Variants in DPP10 observed in about 807,000 individuals in gnomAD.
DPP10 encodes the protein dipeptidyl peptidase like 10.
A neutral mutation model predicts 120.9 loss-of-function variants in DPP10; 33 were observed. That is an observed-to-expected ratio of 0.27 (90% CI 0.21 to 0.37). The LOEUF is 0.37. Among genes scored for constraint, DPP10 ranks in the 10% least tolerant of loss-of-function variants. The pLI is 1.00. For missense variants in DPP10, 816 were observed against 942.8 expected (o/e 0.87, Z 1.76); for synonymous variants, 337 against 326.1 (o/e 1.03, Z -0.36).
chr2:115,007,136 T>C (rs1356877912), intron 1 of DPP10, among the ~76,000 whole-genome samples: 1 of 152,010 alleles, frequency 6.6e-6, no homozygotes, highest in African/African-American at 2.4e-5. Context: ...CATAACGAAA[T>C]GAAGGCATCC....
At chr2:115,431,939 G>A (rs2071028620) in intron 3 of DPP10, among the ~76,000 whole-genome samples, 1 of 152,028 alleles carries the variant, frequency 6.6e-6, no homozygotes, top group Non-Finnish European at 1.5e-5. Context: ...AATTACATCA[G>A]AATTATTGAT....
chr2:115,215,776 A>C (rs1322149713), intron 1 of DPP10, among the ~76,000 whole-genome samples: 1 of 152,186 alleles, frequency 6.6e-6, no homozygotes, highest in African/African-American at 2.4e-5. Flanking sequence ...CCCCCACAGA[A>C]CTAATATGAT....
chr2:115,249,458 T>A (rs1172896668), intron 1 of DPP10, among the ~76,000 whole-genome samples: 3 of 152,080 alleles, frequency 2.0e-5, no homozygotes, highest in African/African-American at 7.2e-5. Flanking sequence ...CATGGCCTCT[T>A]TTTATTGGGT....
At chr2:114,936,893 T>C (rs1016400800) in intron 1 of DPP10, among the ~76,000 whole-genome samples, 3 of 152,224 alleles carry the variant, frequency 2.0e-5, no homozygotes, top group African/African-American at 7.2e-5. Context: ...ATATCTTCTT[T>C]AAAGAATTGT....
At chr2:114,904,446 A>G (rs974589802) in intron 1 of DPP10, among the ~76,000 whole-genome samples, 1 of 152,222 alleles carries the variant, frequency 6.6e-6, no homozygotes, top group African/African-American at 2.4e-5. Context: ...GTGTCAAAAG[A>G]GCAGCTTTGT....
chr2:115,290,214 TA>T (rs2060596774), intron 1 of DPP10, among the ~76,000 whole-genome samples: 1 of 152,074 alleles, frequency 6.6e-6, no homozygotes, highest in Admixed American at 6.6e-5. Context: ...TTTTTAAAAT[TA>T]TAACAAAAGA....
intron 1 of DPP10, among the ~76,000 whole-genome samples, chr2:115,039,536 C>G (rs569477832): frequency 6.6e-6 from 1 of 151,972 alleles, no homozygotes. Flanking sequence ...TCAAGACCTT[C>G]CCAGTGGTTT....
intron 1 of DPP10, among the ~76,000 whole-genome samples, chr2:114,615,537 G>T (rs1008767619): frequency 6.6e-6 from 1 of 152,094 alleles, no homozygotes; most frequent in Non-Finnish European, 1.5e-5. Flanking sequence ...AGTGGCAATT[G>T]CCCTGTGTAT....
intron 1 of DPP10, among the ~76,000 whole-genome samples, chr2:114,728,757 TACAC>T (rs1313382698): frequency 3.3e-5 from 5 of 152,198 alleles, no homozygotes; most frequent in Non-Finnish European, 7.3e-5. Context: ...TGAAGGAAAA[TACAC>T]ATACAGTGTC....
intron 1 of DPP10, among the ~76,000 whole-genome samples, chr2:115,185,748 G>A (rs569370265): frequency 1.3e-5 from 2 of 152,318 alleles, no homozygotes; most frequent in East Asian, 3.9e-4. Flanking sequence ...CTAATTCAGT[G>A]TGGCAGGAAC....
chr2:114,934,785 G>T (rs10181973), intron 1 of DPP10, among the ~76,000 whole-genome samples: 25,917 of 152,092 alleles, frequency 0.17, 2,306 homozygotes, highest in Admixed American at 0.24. Context: ...GAACCACAGG[G>T]TTGAGGGGAG....
intron 1 of DPP10, among the ~76,000 whole-genome samples, chr2:115,249,177 A>T (rs1004531172): frequency 6.6e-5 from 10 of 152,158 alleles, no homozygotes; most frequent in African/African-American, 2.2e-4. Context: ...ACACAGATGA[A>T]TCTGACACAG....
At chr2:114,623,654 C>G (rs556063703) in intron 1 of DPP10, among the ~76,000 whole-genome samples, 3 of 152,080 alleles carry the variant, frequency 2.0e-5, no homozygotes, top group African/African-American at 7.2e-5. Context: ...TAAAATAGTT[C>G]AAATAACAGC....
intron 8 of DPP10, among the ~76,000 whole-genome samples, chr2:115,733,961 A>C (rs2092971744): frequency 6.6e-6 from 1 of 152,242 alleles, no homozygotes; most frequent in Admixed American, 6.5e-5. Flanking sequence ...GTTTCAATCC[A>C]TGAGTAAATG....
At chr2:115,410,323 C>T (rs2068849519) in intron 3 of DPP10, among the ~76,000 whole-genome samples, 1 of 152,162 alleles carries the variant, frequency 6.6e-6, no homozygotes, top group Non-Finnish European at 1.5e-5. Context: ...AGATCGCGCC[C>T]TTTGCAGGGA....
chr2:114,467,374 C>T (rs1412754976), intron 1 of DPP10, among the ~76,000 whole-genome samples: 1 of 152,156 alleles, frequency 6.6e-6, no homozygotes, highest in Non-Finnish European at 1.5e-5. Flanking sequence ...TATTGCCAGG[C>T]AGAAACATGC....
At chr2:115,776,767 G>A (rs1682149984) in intron 13 of DPP10, among the ~76,000 whole-genome samples, 3 of 151,860 alleles carry the variant, frequency 2.0e-5, no homozygotes, top group South Asian at 4.1e-4. Flanking sequence ...AAAAATTATT[G>A]CATTAAATGG....
chr2:115,309,036 T>A (rs2061477617), intron 1 of DPP10, among the ~76,000 whole-genome samples: 1 of 152,086 alleles, frequency 6.6e-6, no homozygotes, highest in African/African-American at 2.4e-5. Flanking sequence ...TGCTGGTTTA[T>A]CTCACAGAGA....
At chr2:115,454,717 T>C (rs1226213033) in intron 3 of DPP10, among the ~76,000 whole-genome samples, 1 of 151,790 alleles carries the variant, frequency 6.6e-6, no homozygotes, top group South Asian at 2.1e-4. Flanking sequence ...CTGAAAGATC[T>C]AGCCAGTGCA....
Sources: gnomAD v4.1 joint callset for allele counts (sites outside exome capture counted in the v4.1 genomes callset) on GRCh38, gnomAD v4.1.1 for gene constraint, MANE v1.5 for transcripts, NCBI Gene and HGNC (gene_info 2026-07-23, HGNC 2026-07-21) for gene names.